Variants in METTL2A observed in about 807,000 individuals in gnomAD.
METTL2A encodes methyltransferase 2A, tRNA N3-cytidine.
In METTL2A, 45 loss-of-function variants were observed where a neutral mutation model predicts 49.4. The observed-to-expected ratio is 0.91, with a 90% CI of 0.72 to 1.17. The LOEUF is 1.17. Among genes scored for constraint, METTL2A ranks in the 50% most tolerant of loss-of-function variants. The probability of loss-of-function intolerance (pLI) is 0.00; values close to 1 mark genes in which losing one functional copy is unlikely to be tolerated. For missense variants in METTL2A, 361 were observed against 462.2 expected (o/e 0.78, Z 2.01); for synonymous variants, 118 against 167.5 (o/e 0.70, Z 2.28).
At chr17:62,447,143 G>A (rs1212201687) in intron 7 of METTL2A, among the ~76,000 whole-genome samples, 1 of 152,132 alleles carries the variant, frequency 6.6e-6, no homozygotes, top group South Asian at 2.1e-4. Context: ...AATAGGCCAG[G>A]CACGGTGGCT....
rs2070791995 is a variant in METTL2A, at chr17:62,449,528, T to C, written c.*799T>C. On this transcript the variant is annotated 3_prime_UTR_variant, in exon 9 of 9. Coordinates refer to ENST00000311506, the MANE Select transcript of METTL2A (RefSeq NM_181725.4). The stretch of plus-strand genomic sequence containing the variant: ...GAGTTGGAGACCAGCGTGGCCAACA[T>C]GGTGAAACCCCGTCTCTACTAAAGA... The C allele has an allele frequency of 8.1e-6, 3 of 369,446 alleles. No homozygotes were observed. The highest frequency in any genetic ancestry group is 1.5e-5 in the Non-Finnish European group (3 of 193,726). The allele number at this position is 369,446 out of a possible 1,614,324, so 22.9% of individuals were successfully genotyped here.
rs2070779053 is a variant in METTL2A, at chr17:62,447,774, A to T, written c.982+8A>T. ...TTTACTTCTTCACACAAGGTATGAAACACCCATCTTTTTACACTAAAAGTC... is the reference window on the plus strand; with the variant it reads ...TTTACTTCTTCACACAAGGTATGAATCACCCATCTTTTTACACTAAAAGTC... On this transcript the variant is annotated splice_region_variant and intron_variant, in intron 8 of 8. Coordinates refer to ENST00000311506, the MANE Select transcript of METTL2A (RefSeq NM_181725.4). 1.2e-6 allele frequency: 2 copies of T among 1,614,104 alleles called. No homozygotes were observed. Among genetic ancestry groups the T allele is most frequent in the Non-Finnish European group, 1.7e-6 (2 of 1,179,950 alleles).
rs577362395 is a variant in METTL2A at position 62,432,449 on chromosome 17, A to C, written c.609-2783A>C. On this transcript the variant is annotated intron_variant, in intron 4 of 8. Transcript: ENST00000311506. ...TTTGGAAGGCCAAGGAGATAGGATC[A>C]CCTGAGCCCAGGAGTTCAGGACGAG... 2.3e-4 allele frequency among the ~76,000 whole-genome samples: 35 copies of C among 152,246 alleles called. 1 individual carries two copies. The South Asian group carries it at 7.1e-3, about 31-fold the overall frequency.
chr17:62,442,705 CAT>C (rs746017142), intron 6 of METTL2A, among the ~76,000 whole-genome samples: 1 of 152,154 alleles, frequency 6.6e-6, no homozygotes, highest in Non-Finnish European at 1.5e-5. Context: ...GGGGTTGGCA[CAT>C]GTTAGGGTAA....
intron 5 of METTL2A, among the ~76,000 whole-genome samples, chr17:62,438,890 G>A (rs1220971444): frequency 6.7e-6 from 1 of 150,364 alleles, no homozygotes; most frequent in East Asian, 1.9e-4. Context: ...CAAACTCACT[G>A]TGGCCTTGAT....
intron 2 of METTL2A, among the ~76,000 whole-genome samples, chr17:62,425,958 G>A (rs1407808066): frequency 1.3e-5 from 2 of 149,298 alleles, no homozygotes; most frequent in African/African-American, 2.5e-5. Flanking sequence ...CCAAGATTGC[G>A]CCCCTGCACT....
chr17:62,446,250 T>G (rs1258476375), intron 7 of METTL2A, among the ~76,000 whole-genome samples: 1 of 152,054 alleles, frequency 6.6e-6, no homozygotes, highest in Non-Finnish European at 1.5e-5. Flanking sequence ...GCCTCCTGGG[T>G]CCACCCGCCT....
rs772762045 is a variant in METTL2A at position 62,451,890 on chromosome 17, CAA to C, written c.*3180_*3181del. Among the ~76,000 whole-genome samples the C allele has an allele frequency of 0.038, 2,278 of 59,968 alleles. 88 individuals carry two copies. Among genetic ancestry groups the C allele is most frequent in the African/African-American group, 0.12 (2,119 of 17,584 alleles). The allele number at this position is 59,968 out of a possible 152,430, so 39.3% of individuals were successfully genotyped here. A position where few individuals can be genotyped will look rare whatever the true frequency, so the allele number is the denominator to read the frequency against. On this transcript the variant is annotated 3_prime_UTR_variant, in exon 9 of 9. Coordinates refer to ENST00000311506, the MANE Select transcript of METTL2A (RefSeq NM_181725.4). Reference sequence around the variant, plus strand: ...GGGCAACAAGAGTGAAACTCCGTCTCAAAAAAAAAAAAAAAAAAAATTAGCTG... The same window carrying C: ...GGGCAACAAGAGTGAAACTCCGTCTCAAAAAAAAAAAAAAAAAATTAGCTG...
chr17:62,426,422 A>C lies in METTL2A; in HGVS notation c.326A>C (p.Gln109Pro), dbSNP rs1442541905. 5.6e-6 allele frequency: 9 copies of C among 1,614,208 alleles called. No homozygotes were observed. Among genetic ancestry groups the C allele is most frequent in the Non-Finnish European group, 7.6e-6 (9 of 1,180,036 alleles). Residue 109 changes from glutamine (Q) to proline (P), a missense_variant, in exon 3 of 9, where the codon CAA (glutamine) becomes CCA (proline). Transcript: ENST00000311506. ...CCTGAGCTGGCACCTAGCCAAAATC[A>C]AAATCATTTGAAGGACTGGTTCTTG... ...EFPELAPSQN[Q>P]NHLKDWFLEN...
chr17:62,447,881 T>G (rs1266858831), intron 8 of METTL2A, 115 bp downstream of exon 8: 1 of 1,557,002 alleles, frequency 6.4e-7, no homozygotes. Flanking sequence ...GCAGGCTGTT[T>G]CCTGCGGTTC....
rs746213172 is a variant in METTL2A, at chr17:62,451,424, A to G, written c.*2695A>G. On this transcript the variant is annotated 3_prime_UTR_variant, in exon 9 of 9. Transcript: ENST00000311506. ...TGGCCTCCCAAAGTGCTGGGATTAC[A>G]GGCGTGAGCCACCACGCCCGGCCAA... Among the ~76,000 whole-genome samples the G allele has an allele frequency of 3.4e-5, 5 of 148,498 alleles. No homozygotes were observed. Among genetic ancestry groups the G allele is most frequent in the Non-Finnish European group, 7.4e-5 (5 of 67,264 alleles).
rs972791419 is a variant in METTL2A at position 62,447,669 on chromosome 17, G to T, written c.917-32G>T. ...ATGCGAGTCAAAGAAGTGCTTTTAAGTGTCTCTGATTTTTAACACATCACT... is the reference window on the plus strand; with the variant it reads ...ATGCGAGTCAAAGAAGTGCTTTTAATTGTCTCTGATTTTTAACACATCACT... On this transcript the variant is annotated intron_variant, in intron 7 of 8. Coordinates refer to ENST00000311506, the MANE Select transcript of METTL2A (RefSeq NM_181725.4). The T allele has an allele frequency of 2.5e-6, 4 of 1,612,548 alleles. No homozygotes were observed. In the African/African-American group the frequency reaches 5.3e-5, roughly 22 times the overall value.
At chr17:62,430,005 A>T (rs1324886182) in intron 4 of METTL2A, among the ~76,000 whole-genome samples, 1 of 152,236 alleles carries the variant, frequency 6.6e-6, no homozygotes, top group Admixed American at 6.5e-5. Flanking sequence ...TGGAAATGAC[A>T]TTCCAGTTCT....
chr17:62,442,672 G>A (rs1270950383), intron 6 of METTL2A, among the ~76,000 whole-genome samples: 4 of 152,218 alleles, frequency 2.6e-5, no homozygotes, highest in African/African-American at 9.6e-5. Context: ...CACTGCCAGA[G>A]TGCAGTGAGT....
At chr17:62,424,065 C>T in intron 1 of METTL2A, 53 bp downstream of exon 1, 1 of 1,596,158 alleles carries the variant, frequency 6.3e-7, no homozygotes, top group East Asian at 2.3e-5. Flanking sequence ...GTCCCGCCGC[C>T]TCGGAGCACT....
At chr17:62,426,117 G>A (rs1160255037) in intron 2 of METTL2A, among the ~76,000 whole-genome samples, 182 bp from the exon 3 acceptor site, 2 of 152,144 alleles carry the variant, frequency 1.3e-5, no homozygotes, top group East Asian at 1.9e-4. Flanking sequence ...AGGGGCATTA[G>A]GGTATAATGC....
intron 5 of METTL2A, among the ~76,000 whole-genome samples, chr17:62,436,517 A>T (rs1181453247): frequency 1.3e-5 from 2 of 151,972 alleles, no homozygotes; most frequent in African/African-American, 4.8e-5. Flanking sequence ...GTGCCACTGC[A>T]CTCCAGTCTG....
intron 5 of METTL2A, among the ~76,000 whole-genome samples, chr17:62,438,256 A>G (rs562966973): frequency 3.9e-4 from 59 of 151,744 alleles, no homozygotes; most frequent in African/African-American, 1.3e-3. Context: ...AAAATACAAA[A>G]ATTAGCCAGG....
intron 6 of METTL2A, among the ~76,000 whole-genome samples, chr17:62,441,860 C>T (rs2070740938): frequency 6.6e-6 from 1 of 151,706 alleles, no homozygotes; most frequent in Non-Finnish European, 1.5e-5. Context: ...CCTGCCTCAG[C>T]CTCCCAAGCA....
Sources: allele counts gnomAD v4.1 joint callset (sites outside exome capture counted in the v4.1 genomes callset), GRCh38; gene constraint gnomAD v4.1.1; transcripts MANE v1.5; gene names NCBI Gene and HGNC (gene_info 2026-07-23, HGNC 2026-07-21).